The following C12orf42 variants were observed in gnomAD, a reference collection of about 807,000 sequenced individuals.
C12orf42 encodes uncharacterized protein C12orf42.
C12orf42 carries 25 observed loss-of-function variants against 21.6 expected under a neutral mutation model. That is an observed-to-expected ratio of 1.16 (90% CI 0.84 to 1.62). The LOEUF is 1.62. Ranked by LOEUF, C12orf42 falls within the 40% of genes most tolerant of loss-of-function variation. C12orf42 has a pLI of 0.00. For missense variants in C12orf42, 483 were observed against 459.3 expected (o/e 1.05, Z -0.47); for synonymous variants, 174 against 175.0 (o/e 0.99, Z 0.05).
chr12:103,225,720 C>G, the C12orf42 span, among the ~76,000 whole-genome samples: 13,882 of 151,994 alleles, frequency 0.091, 681 homozygotes, highest in East Asian at 0.17. Flanking sequence ...TAAGTTGGCA[C>G]CAGAGTTGGG....
chr12:103,160,549 G>A, the C12orf42 span, among the ~76,000 whole-genome samples: 1 of 152,234 alleles, frequency 6.6e-6, no homozygotes, highest in East Asian at 1.9e-4. Context: ...CCATTTACAA[G>A]GTATGGGATG....
At chr12:103,225,578 G>C in the C12orf42 span, among the ~76,000 whole-genome samples, 1 of 152,038 alleles carries the variant, frequency 6.6e-6, no homozygotes, top group Non-Finnish European at 1.5e-5. Flanking sequence ...TTGGGAAGAA[G>C]GGCGGCAATG....
the C12orf42 span, chr12:103,558,653 T>C: frequency 6.6e-6 from 1 of 152,232 alleles, no homozygotes; most frequent in Admixed American, 6.5e-5. Context: ...TCGTTTCAGG[T>C]TTTTGTTTAT....
chr12:103,477,333 G>A lies in C12orf42; in HGVS notation c.78+1016C>T, dbSNP rs536555283. 2.0e-5 allele frequency among the ~76,000 whole-genome samples: 3 copies of A among 152,232 alleles called. No individual in the cohort carries two copies. In the East Asian group the frequency reaches 5.8e-4, roughly 29 times the overall value. ...TCTCGGTGAAAGTGTTCTACTCCAA[G>A]AGAAGAGTAAGTGAGCACCAAGTCT... On this transcript the variant is annotated intron_variant, in intron 2 of 5. Transcript: ENST00000548883.
intron 3 of C12orf42, among the ~76,000 whole-genome samples, chr12:103,370,260 C>T (rs567671281): frequency 9.2e-5 from 14 of 152,128 alleles, no homozygotes; most frequent in African/African-American, 1.2e-4. Flanking sequence ...AAAGGGAACA[C>T]TTATACACTG....
the C12orf42 span, among the ~76,000 whole-genome samples, chr12:103,092,961 C>A: frequency 6.6e-6 from 1 of 152,212 alleles, no homozygotes; most frequent in Non-Finnish European, 1.5e-5. Flanking sequence ...CACTTCCTGT[C>A]CACATCTCTG....
chr12:103,522,425 C>A, the C12orf42 span, among the ~76,000 whole-genome samples: 1 of 152,134 alleles, frequency 6.6e-6, no homozygotes, highest in Non-Finnish European at 1.5e-5. Flanking sequence ...TTTGTCCCGG[C>A]CCTCTCTGTA....
chr12:103,053,016 G>A, the C12orf42 span, among the ~76,000 whole-genome samples: 4 of 151,826 alleles, frequency 2.6e-5, no homozygotes, highest in Non-Finnish European at 1.5e-5. Flanking sequence ...CTTATTTGCC[G>A]ATGCCACAAT....
chr12:103,536,464 G>T, the C12orf42 span, among the ~76,000 whole-genome samples: 2 of 152,274 alleles, frequency 1.3e-5, no homozygotes, highest in East Asian at 3.9e-4. Context: ...AATAAGAGTA[G>T]CCAGGGAAAA....
chr12:103,444,003 C>A (rs948651339), intron 2 of C12orf42, among the ~76,000 whole-genome samples: 60 of 152,066 alleles, frequency 3.9e-4, no homozygotes, highest in African/African-American at 1.4e-3. Context: ...AATAAAAATT[C>A]TTTACCTGTG....
intron 5 of C12orf42, chr12:103,273,785 CT>C (rs763136977): frequency 4.4e-6 from 2 of 451,282 alleles, no homozygotes; most frequent in Non-Finnish European, 9.0e-6. Context: ...AAGCACTTGT[CT>C]TTTACCTGAT....
the C12orf42 span, among the ~76,000 whole-genome samples, chr12:103,070,713 G>T: frequency 1.3e-5 from 2 of 152,246 alleles, no homozygotes; most frequent in East Asian, 1.9e-4. Context: ...GGGAAGAGAA[G>T]ATGTCTTATT....
At chr12:103,399,356 T>C (rs1195825017) in intron 3 of C12orf42, among the ~76,000 whole-genome samples, 2 of 151,682 alleles carry the variant, frequency 1.3e-5, no homozygotes, top group Admixed American at 6.6e-5. Flanking sequence ...TCTATTTTTG[T>C]TGTTGTTGTT....
the C12orf42 span, among the ~76,000 whole-genome samples, chr12:103,170,500 C>T: frequency 3.3e-5 from 5 of 152,138 alleles, no homozygotes; most frequent in East Asian, 7.7e-4. Flanking sequence ...TTCCATCAGC[C>T]TTCCACTTTT....
intron 4 of C12orf42, 80 bp downstream of exon 4, chr12:103,368,807 A>G (rs2044876884): frequency 2.8e-6 from 2 of 711,748 alleles, no homozygotes; most frequent in Non-Finnish European, 2.3e-6. Context: ...CTTCAATACA[A>G]TCTTTATGAT....
intron 2 of C12orf42, among the ~76,000 whole-genome samples, chr12:103,416,303 G>A (rs1042326061): frequency 3.9e-5 from 6 of 152,016 alleles, no homozygotes; most frequent in African/African-American, 1.4e-4. Context: ...AAATCTGAGA[G>A]AACATTCTGT....
intron 1 of C12orf42, among the ~76,000 whole-genome samples, chr12:103,486,291 G>A (rs892713578): frequency 2.0e-5 from 3 of 152,172 alleles, no homozygotes; most frequent in African/African-American, 7.2e-5. Flanking sequence ...ATCTGCATAT[G>A]TTGAGCCAGC....
the C12orf42 span, among the ~76,000 whole-genome samples, chr12:103,169,682 T>A: frequency 6.6e-6 from 1 of 152,142 alleles, no homozygotes; most frequent in South Asian, 2.1e-4. Context: ...ATAATTACAT[T>A]GTTAATTGAT....
chr12:103,226,154 G>T, the C12orf42 span, among the ~76,000 whole-genome samples: 1 of 152,226 alleles, frequency 6.6e-6, no homozygotes. Flanking sequence ...CAAGCTCCTG[G>T]GGGAGGAGGT....
Sources: gnomAD v4.1 joint callset for allele counts (sites outside exome capture counted in the v4.1 genomes callset) on GRCh38, gnomAD v4.1.1 for gene constraint, MANE v1.5 for transcripts, NCBI Gene and HGNC (gene_info 2026-07-23, HGNC 2026-07-21) for gene names.